Variants in ZNF543 observed in about 807,000 individuals in gnomAD.
ZNF543 encodes zinc finger protein 543.
Under a neutral mutation model 13.4 loss-of-function variants are expected in ZNF543, and 10 were observed. That is an observed-to-expected ratio of 0.75 (90% CI 0.46 to 1.26). The LOEUF is 1.26. Among genes scored for constraint, ZNF543 ranks in the 50% most tolerant of loss-of-function variants. The probability of loss-of-function intolerance (pLI) is 0.00; values close to 1 mark genes in which losing one functional copy is unlikely to be tolerated. For synonymous variants in ZNF543, 272 were observed against 264.7 expected (o/e 1.03, Z -0.27); for missense variants, 768 against 741.2 (o/e 1.04, Z -0.42).
chr19:57,321,664 T>C (rs1470330622), intron 1 of ZNF543, among the ~76,000 whole-genome samples: 4 of 152,208 alleles, frequency 2.6e-5, no homozygotes, highest in Admixed American at 2.6e-4. Context: ...GAGGCTCACA[T>C]AGGTTCAATT....
rs2088133418 is a variant in ZNF543, at chr19:57,327,968, A to G, written c.506A>G (p.Gln169Arg). The G allele has an allele frequency of 6.2e-7, 1 of 1,614,096 alleles. No individual in the cohort carries two copies. Among genetic ancestry groups the G allele is most frequent in the Non-Finnish European group, 8.5e-7 (1 of 1,180,060 alleles). The stretch of plus-strand genomic sequence containing the variant: ...GATGGTGTATGTACAAAGATTACAC[A>G]GAAACAAGTTTCAACAGAAGGTGAT... ...SDDGVCTKIT[Q>R]KQVSTEGDLY... The change falls in exon 4 of 4, where the codon CAG becomes CGG. Residue 169 changes from glutamine to arginine, a missense_variant. Physicochemically the swap from Gln to Arg is conservative, Grantham distance 43. Transcript: ENST00000321545.
At chr19:57,326,506 G>A (rs535675002) in intron 2 of ZNF543, 127 bp from the exon 3 acceptor site, 469 of 686,210 alleles carry the variant, frequency 6.8e-4, no homozygotes, top group Admixed American at 1.3e-3. Context: ...ACGGTTCAAC[G>A]TTTTCTTTGC....
intron 1 of ZNF543, among the ~76,000 whole-genome samples, chr19:57,323,287 G>C (rs2088100426): frequency 6.6e-6 from 1 of 151,840 alleles, no homozygotes; most frequent in African/African-American, 2.4e-5. Context: ...CGCCTCCCGG[G>C]TTCACGCCAT....
chr19:57,321,661 A>C (rs1289747783), intron 1 of ZNF543, among the ~76,000 whole-genome samples: 1 of 152,224 alleles, frequency 6.6e-6, no homozygotes, highest in Non-Finnish European at 1.5e-5. Context: ...CTGGAGGCTC[A>C]CATAGGTTCA....
rs2088085645 is a variant in ZNF543 at position 57,320,835 on chromosome 19, A to G, written c.-19A>G. On this transcript the variant is annotated 5_prime_UTR_variant, in exon 1 of 4. Transcript: ENST00000321545. ...AGCCGCGGCATTCCCGGGCCCCGCT[A>G]GGGCTGCAGGGTCTCAGGATGGCAG... The G allele has an allele frequency of 2.5e-6, 4 of 1,613,688 alleles. No homozygotes were observed. Among genetic ancestry groups the G allele is most frequent in the Non-Finnish European group, 3.4e-6 (4 of 1,179,856 alleles).
Position 57,329,049 on chromosome 19 carries a change from C to G in ZNF543, c.1587C>G (p.His529Gln), listed in dbSNP as rs2088145645. The G allele has an allele frequency of 6.2e-7, 1 of 1,614,060 alleles. No homozygotes were observed. The highest frequency in any genetic ancestry group is 8.5e-7 in the Non-Finnish European group (1 of 1,180,042). ...SANLIRHSII[H>Q]TGEKPYECSE... is the part of the protein sequence containing the mutation. ...ACCTTATTCGACACTCCATCATTCA[C>G]ACTGGAGAGAAGCCGTATGAATGCA... The change falls in exon 4 of 4, where the codon CAC becomes CAG. Residue 529 changes from histidine to glutamine, a missense_variant. His to Gln is a conservative substitution (Grantham distance 24). This residue lies in a region of ZNF543 where 677 missense variants were observed against 631.4 expected (regional missense o/e 1.07). Transcript: ENST00000321545.
At chr19:57,324,638 C>A (rs776506969) in intron 2 of ZNF543, among the ~76,000 whole-genome samples, 1 of 152,192 alleles carries the variant, frequency 6.6e-6, no homozygotes, top group Non-Finnish European at 1.5e-5. Context: ...CTTGGCCATT[C>A]GCCATTTCCC....
chr19:57,326,724 TCCA>T lies in ZNF543; in HGVS notation c.238_240del (p.Pro80del). ...CAAAAGACCTCTCCCAAAGCTCCTA[TCCA>T]GGTAGGAGCCAACAGCTGGGAAGGT... On this transcript the variant is annotated inframe_deletion and splice_region_variant, in exon 3 of 4. Coordinates refer to ENST00000321545, the MANE Select transcript of ZNF543 (RefSeq NM_213598.4). The T allele has an allele frequency of 5.6e-6, 9 of 1,612,852 alleles. 1 individual carries two copies. Among genetic ancestry groups the T allele is most frequent in the Middle Eastern group, 3.5e-4 (2 of 5,722 alleles).
Position 57,330,185 on chromosome 19 carries a change from A to C in ZNF543, c.*920A>C, listed in dbSNP as rs1383297777. 7 of 152,110 alleles carry C rather than the reference A, an allele frequency of 4.6e-5. No individual in the cohort carries two copies. The highest frequency in any genetic ancestry group is 2.6e-4 in the Admixed American group (4 of 15,268). 9.4% of individuals were successfully genotyped at this position (152,110 alleles called of 1,614,324 possible). On this transcript the variant is annotated 3_prime_UTR_variant, in exon 4 of 4. Transcript: ENST00000321545. ...GTACATATGTTTGGACACATTGTCC[A>C]CTTCAGATGCTTGTTTAAAAAAATG...
rs561081582 is a variant in ZNF543, at chr19:57,329,185, G to A, written c.1723G>A (p.Ala575Thr). ...AGATGTGGGAAGACCTTTTATGACT[G>A]CACAGACTTCAGTCAACATCCAGGA... ...VTDVGRPFMTAQTSVNIQELL... is the reference protein window; with the variant it reads ...VTDVGRPFMTTQTSVNIQELL... The change falls in exon 4 of 4, where the codon GCA becomes ACA. Residue 575 changes from alanine (A) to threonine (T), a missense_variant. This residue lies in a region of ZNF543 where 677 missense variants were observed against 631.4 expected (regional missense o/e 1.07). Transcript: ENST00000321545. 331 of 1,614,108 alleles carry A rather than the reference G, an allele frequency of 2.1e-4. 3 individuals carry two copies. In the South Asian group the frequency reaches 3.2e-3, roughly 15 times the overall value.
chr19:57,330,517 T>C lies in ZNF543; in HGVS notation c.*1252T>C, dbSNP rs1338967460. Reference sequence around the variant, plus strand: ...ACAAACATAGAAGGAATGTCATTTTTAATCTTTTTAAAGAGTGTGTGAAAA... The same window carrying C: ...ACAAACATAGAAGGAATGTCATTTTCAATCTTTTTAAAGAGTGTGTGAAAA... On this transcript the variant is annotated 3_prime_UTR_variant, in exon 4 of 4. Transcript: ENST00000321545. 6.6e-6 allele frequency: 1 copy of C among 152,186 alleles called. No individual in the cohort carries two copies. The highest frequency in any genetic ancestry group is 1.9e-4 in the East Asian group (1 of 5,188). 9.4% of individuals were successfully genotyped at this position (152,186 alleles called of 1,614,324 possible).
chr19:57,323,717 C>A lies in ZNF543; in HGVS notation c.54C>A (p.Phe18Leu). Residue 18 changes from phenylalanine (F) to leucine (L), a missense_variant, in exon 2 of 4, where the codon TTC becomes TTA. By Grantham distance (22) the Phe-to-Leu change is conservative. This residue lies in a region of ZNF543 where 77 missense variants were observed against 75.5 expected (regional missense o/e 1.02). Coordinates refer to ENST00000321545, the MANE Select transcript of ZNF543 (RefSeq NM_213598.4). Reference sequence around the variant, plus strand: ...CCTTTGAGGATGTGGCTGTGACATTCACCCAGGAGGAGTGGGGACAGTTGG... The same window carrying A: ...CCTTTGAGGATGTGGCTGTGACATTAACCCAGGAGGAGTGGGGACAGTTGG... ...SVTFEDVAVT[F>L]TQEEWGQLDA... 6.2e-7 allele frequency: 1 copy of A among 1,613,722 alleles called. No individual in the cohort carries two copies. Among genetic ancestry groups the A allele is most frequent in the Non-Finnish European group, 8.5e-7 (1 of 1,179,728 alleles).
At position 57,328,464 on chromosome 19, in the gene ZNF543, G is replaced by A. The variant is rs774260631; in HGVS notation, c.1002G>A (p.Thr334=). Residue 334 remains threonine (T), a synonymous_variant, in exon 4 of 4, where the codon ACG becomes ACA. Coordinates refer to ENST00000321545, the MANE Select transcript of ZNF543 (RefSeq NM_213598.4). ...TCATTCGACACTACATCATCCACACGGGAGAGAAGCCCTATGAGTGCATTG... is the reference window on the plus strand; with the variant it reads ...TCATTCGACACTACATCATCCACACAGGAGAGAAGCCCTATGAGTGCATTG... ...PGFIRHYIIH[T]GEKPYECIEC... 12 of 1,611,200 alleles carry A rather than the reference G, an allele frequency of 7.4e-6. No homozygotes were observed. The highest frequency in any genetic ancestry group is 1.7e-4 in the Middle Eastern group (1 of 6,060).
At chr19:57,322,120 G>C (rs769214987) in intron 1 of ZNF543, among the ~76,000 whole-genome samples, 13 of 152,298 alleles carry the variant, frequency 8.5e-5, no homozygotes, top group East Asian at 3.9e-4. Context: ...TGTGACTCTT[G>C]TTCCTTGCTC....
In ZNF543 at chr19:57,328,679, G is replaced by A. The variant is rs776484327; in HGVS notation, c.1217G>A (p.Arg406His). 33 of 1,613,132 alleles carry A rather than the reference G, an allele frequency of 2.0e-5. No homozygotes were observed. The highest frequency in any genetic ancestry group is 1.8e-4 in the South Asian group (16 of 91,054). The change falls in exon 4 of 4, where the codon CGT becomes CAT. Residue 406 changes from arginine (R) to histidine (H), a missense_variant. Transcript: ENST00000321545. Reference sequence around the variant, plus strand: ...ATGGAGTGTGGGAAGGCGTTCAACCGTAGGTCACACCTCAAGCAGCATCAA... The same window carrying A: ...ATGGAGTGTGGGAAGGCGTTCAACCATAGGTCACACCTCAAGCAGCATCAA... ...KCMECGKAFN[R>H]RSHLKQHQRI...
At position 57,329,373 on chromosome 19, in the gene ZNF543, G is replaced by T. The variant is rs1600055680; in HGVS notation, c.*108G>T. ...GATCATTTGTCGTCTAAACAATCAA[G>T]TTAGAAATTGAACCAGCCTGGAGTC... On this transcript the variant is annotated 3_prime_UTR_variant, in exon 4 of 4. Coordinates refer to ENST00000321545, the MANE Select transcript of ZNF543 (RefSeq NM_213598.4). 6.9e-7 allele frequency: 1 copy of T among 1,450,744 alleles called. No homozygotes were observed. The allele number at this position is 1,450,744 out of a possible 1,614,324, so 89.9% of individuals were successfully genotyped here.
chr19:57,325,906 C>A (rs2088117720), intron 2 of ZNF543, among the ~76,000 whole-genome samples: 1 of 152,168 alleles, frequency 6.6e-6, no homozygotes, highest in East Asian at 1.9e-4. Flanking sequence ...GTGGCAGCCT[C>A]CCTCATTTAG....
At chr19:57,323,630 T>A in intron 1 of ZNF543, 52 bp from the exon 2 acceptor site, 1 of 1,601,924 alleles carries the variant, frequency 6.2e-7, no homozygotes, top group Non-Finnish European at 8.5e-7. Flanking sequence ...CAAGTTCTAG[T>A]TGTATTCCAC....
intron 1 of ZNF543, among the ~76,000 whole-genome samples, chr19:57,322,988 G>A (rs551485840): frequency 6.6e-6 from 1 of 152,186 alleles, no homozygotes; most frequent in African/African-American, 2.4e-5. Context: ...ATTAGCATGA[G>A]GCAGGCTCAC....
Sources: gnomAD v4.1 joint callset for allele counts (sites outside exome capture counted in the v4.1 genomes callset) on GRCh38, gnomAD v4.1.1 for gene constraint, gnomAD v4.1.1 regional missense constraint, MANE v1.5 for transcripts, NCBI Gene and HGNC (gene_info 2026-07-23, HGNC 2026-07-21) for gene names.